Variants in ANKS6 observed in about 807,000 individuals in gnomAD.
ANKS6 encodes ankyrin repeat and SAM domain-containing protein 6.
In ANKS6, 47 loss-of-function variants were observed where a neutral mutation model predicts 77.9. That is an observed-to-expected ratio of 0.60 (90% CI 0.48 to 0.77). The LOEUF is 0.77. Among genes scored for constraint, ANKS6 ranks in the 30% least tolerant of loss-of-function variants. The pLI, the probability that ANKS6 is intolerant of heterozygous loss-of-function variation, is 0.00. For synonymous variants in ANKS6, 488 were observed against 501.7 expected (o/e 0.97, Z 0.37); for missense variants, 1,150 against 1,159.1 (o/e 0.99, Z 0.11).
At chr9:98,763,040 C>T (rs1340032282) in intron 11 of ANKS6, among the ~76,000 whole-genome samples, 1 of 152,072 alleles carries the variant, frequency 6.6e-6, no homozygotes, top group Non-Finnish European at 1.5e-5. Flanking sequence ...TAGTTGGACA[C>T]TTTAAAATTC....
In ANKS6 at chr9:98,732,615, C is replaced by A; in HGVS notation, c.*3904G>T. ...GAGAGATGAAAGGATTTAAAATGGG[C>A]AACCATCTTTGAGGTTTCCCACATC... On this transcript the variant is annotated 3_prime_UTR_variant, in exon 15 of 15. Transcript: ENST00000353234. The A allele has an allele frequency of 6.5e-7, 1 of 1,549,386 alleles. No homozygotes were observed. Among genetic ancestry groups the A allele is most frequent in the Non-Finnish European group, 8.7e-7 (1 of 1,146,672 alleles).
intron 12 of ANKS6, among the ~76,000 whole-genome samples, chr9:98,754,566 C>T (rs1052051810): frequency 5.9e-5 from 9 of 151,400 alleles, no homozygotes; most frequent in African/African-American, 1.9e-4. Flanking sequence ...GGTGTGAACC[C>T]GGGAGGAGGA....
At chr9:98,795,047 G>C (rs111299436) in intron 1 of ANKS6, among the ~76,000 whole-genome samples, 5 of 152,128 alleles carry the variant, frequency 3.3e-5, no homozygotes, top group African/African-American at 1.2e-4. Context: ...AGAACAGGGA[G>C]ATATCATGGC....
At chr9:98,754,971 C>A (rs1335485122) in intron 12 of ANKS6, among the ~76,000 whole-genome samples, 1 of 152,274 alleles carries the variant, frequency 6.6e-6, no homozygotes, top group African/African-American at 2.4e-5. Context: ...GCTTCAATTC[C>A]TGAAAACCTC....
At chr9:98,771,180 C>G in intron 9 of ANKS6, 134 bp from the exon 10 acceptor site, 8 of 1,064,194 alleles carry the variant, frequency 7.5e-6, no homozygotes, top group Non-Finnish European at 9.9e-6. Context: ...CATGGCCCTG[C>G]CAGGGCCCAG....
At chr9:98,753,529 C>T (rs1429727810) in intron 12 of ANKS6, among the ~76,000 whole-genome samples, 6 of 151,870 alleles carry the variant, frequency 4.0e-5, no homozygotes, top group African/African-American at 7.3e-5. Flanking sequence ...AATCAAGCCC[C>T]GGATTGCTTG....
At position 98,734,180 on chromosome 9, in the gene ANKS6, T is replaced by G. The variant is rs1288990006; in HGVS notation, c.*2339A>C. On this transcript the variant is annotated 3_prime_UTR_variant, in exon 15 of 15. Coordinates refer to ENST00000353234, the MANE Select transcript of ANKS6 (RefSeq NM_173551.5). ...CCTCTTGTGAACCAGCACACAAACT[T>G]CCTAGGATGAAAAGCCTTGGACACT... The G allele has an allele frequency of 1.0e-6, 1 of 985,156 alleles. No individual in the cohort carries two copies. The highest frequency in any genetic ancestry group is 1.2e-6 in the Non-Finnish European group (1 of 829,956). The allele number at this position is 985,156 out of a possible 1,614,324, so 61.0% of individuals were successfully genotyped here. A position where few individuals can be genotyped will look rare whatever the true frequency, so the allele number is the denominator to read the frequency against.
chr9:98,744,835 G>A (rs1457338437), intron 14 of ANKS6, among the ~76,000 whole-genome samples: 1 of 151,886 alleles, frequency 6.6e-6, no homozygotes, highest in Non-Finnish European at 1.5e-5. Flanking sequence ...AAAAGCAGCA[G>A]GTAAACAGGT....
chr9:98,744,563 C>T (rs1460231139), intron 14 of ANKS6, among the ~76,000 whole-genome samples: 1 of 152,188 alleles, frequency 6.6e-6, no homozygotes. Flanking sequence ...TAAAGTACTA[C>T]ATAAATATTT....
chr9:98,782,251 G>A (rs1834310705), intron 5 of ANKS6, among the ~76,000 whole-genome samples: 1 of 152,128 alleles, frequency 6.6e-6, no homozygotes, highest in Admixed American at 6.5e-5. Context: ...TGGTGCTGGA[G>A]GAAGTCCCCG....
chr9:98,784,410 G>C lies in ANKS6; in HGVS notation c.908-253C>G, dbSNP rs1834452311. On this transcript the variant is annotated intron_variant, in intron 3 of 14. Transcript: ENST00000353234. ...GACAGAAGTGTTGTTAGTGTCTTCA[G>C]AGAACGGATGAAGGAGACAGAAGAA... 3 of 426,794 alleles carry C rather than the reference G, an allele frequency of 7.0e-6. No individual in the cohort carries two copies. The Admixed American group carries it at 1.3e-4, about 18-fold the overall frequency. 26.4% of individuals were successfully genotyped at this position (426,794 alleles called of 1,614,324 possible). A position where few individuals can be genotyped will look rare whatever the true frequency, so the allele number is the denominator to read the frequency against.
Position 98,771,051 on chromosome 9 carries a change from A to G in ANKS6, c.1822-5T>C. 1 of 1,554,686 alleles carries G rather than the reference A, an allele frequency of 6.4e-7. No individual in the cohort carries two copies. The highest frequency in any genetic ancestry group is 8.7e-7 in the Non-Finnish European group (1 of 1,149,806). On this transcript the variant is annotated splice_region_variant and splice_polypyrimidine_tract_variant and intron_variant, in intron 9 of 14. Coordinates refer to ENST00000353234, the MANE Select transcript of ANKS6 (RefSeq NM_173551.5). ...TTTAACAGGCCTGACGGGTGTCTAC[A>G]AGAATAAGGCAGGTGCAGCACTTAG...
intron 5 of ANKS6, among the ~76,000 whole-genome samples, chr9:98,780,597 G>A (rs1479564733): frequency 1.3e-5 from 2 of 152,180 alleles, no homozygotes; most frequent in African/African-American, 2.4e-5. Context: ...GTGTTTAAAA[G>A]TGCAGGCTTC....
chr9:98,767,571 G>A (rs908137504), intron 11 of ANKS6, among the ~76,000 whole-genome samples: 2 of 152,200 alleles, frequency 1.3e-5, no homozygotes, highest in Non-Finnish European at 2.9e-5. Flanking sequence ...GCTGTGCCAG[G>A]CACAGAGCAG....
chr9:98,750,431 T>G lies in ANKS6; in HGVS notation c.2394+598A>C, dbSNP rs143659927. On this transcript the variant is annotated intron_variant, in intron 13 of 14. Transcript: ENST00000353234. ...TATCCATTCATTAGTCGATGGACAT[T>G]TGGGTCGTATCCACAGTTTGGCTTT... Among the ~76,000 whole-genome samples, 442 of 152,338 alleles carry G rather than the reference T, an allele frequency of 2.9e-3. 2 individuals are homozygous for G. Among genetic ancestry groups the G allele is most frequent in the African/African-American group, 0.01 (423 of 41,576 alleles).
chr9:98,789,995 G>C, intron 2 of ANKS6, 109 bp downstream of exon 2: 1 of 1,433,368 alleles, frequency 7.0e-7, no homozygotes, highest in Non-Finnish European at 9.3e-7. Context: ...TGGTCTGCAG[G>C]GCTGGACTCT....
Position 98,732,576 on chromosome 9 carries a change from GAAGA to G in ANKS6, c.*3939_*3942del, listed in dbSNP as rs1034919645. The G allele has an allele frequency of 3.7e-5, 57 of 1,550,430 alleles. No homozygotes were observed. The African/African-American group carries it at 4.2e-4, about 12-fold the overall frequency. On this transcript the variant is annotated 3_prime_UTR_variant, in exon 15 of 15. Transcript: ENST00000353234. Reference sequence around the variant, plus strand: ...TGGCTACGTCAGGGCAGAAGGGAGAGAAGAAAGAGAGATGAGAGATGAAAGGATT... The same window carrying G: ...TGGCTACGTCAGGGCAGAAGGGAGAGAAGAGAGATGAGAGATGAAAGGATT...
intron 1 of ANKS6, among the ~76,000 whole-genome samples, chr9:98,794,231 A>G: frequency 6.6e-6 from 1 of 151,938 alleles, no homozygotes; most frequent in East Asian, 1.9e-4. Flanking sequence ...CCAAAGGCAC[A>G]GGGTGTCTAA....
chr9:98,746,640 G>A (rs896019051), intron 13 of ANKS6, among the ~76,000 whole-genome samples: 1 of 150,826 alleles, frequency 6.6e-6, no homozygotes, highest in African/African-American at 2.4e-5. Flanking sequence ...GCAGGGCCTG[G>A]CTTTGAACCC....
Sources: gnomAD v4.1 joint callset for allele counts (sites outside exome capture counted in the v4.1 genomes callset) on GRCh38, gnomAD v4.1.1 for gene constraint, MANE v1.5 for transcripts, NCBI Gene and HGNC (gene_info 2026-07-23, HGNC 2026-07-21) for gene names.